Variants in SORCS3 observed in about 807,000 individuals in gnomAD.
SORCS3 encodes the protein VPS10 domain-containing receptor SorCS3.
Under a neutral mutation model 146.3 loss-of-function variants are expected in SORCS3, and 57 were observed. That is an observed-to-expected ratio of 0.39 (90% CI 0.31 to 0.49). The LOEUF (loss-of-function observed/expected upper bound fraction) is 0.49, where lower values mean the gene tolerates loss of function less well. SORCS3 is among the 20% of genes least tolerant of loss of function. The probability of loss-of-function intolerance (pLI) is 0.92; values close to 1 mark genes in which losing one functional copy is unlikely to be tolerated. For synonymous variants in SORCS3, 653 were observed against 618.5 expected (o/e 1.06, Z -0.83); for missense variants, 1,341 against 1,575.5 (o/e 0.85, Z 2.52).
At chr10:105,157,570 C>A (rs981802159) in intron 10 of SORCS3, among the ~76,000 whole-genome samples, 3 of 152,182 alleles carry the variant, frequency 2.0e-5, no homozygotes, top group Admixed American at 6.5e-5. Context: ...GGGTCCCAGG[C>A]ACAGCTCAGT....
intron 22 of SORCS3, among the ~76,000 whole-genome samples, chr10:105,250,280 G>C (rs73352826): frequency 0.019 from 2,961 of 152,172 alleles, 106 homozygotes; most frequent in African/African-American, 0.066. Flanking sequence ...GAATGGGGGT[G>C]GGGGGTGCAA....
At chr10:104,857,101 G>A (rs1238138528) in intron 2 of SORCS3, among the ~76,000 whole-genome samples, 2 of 148,640 alleles carry the variant, frequency 1.3e-5, no homozygotes, top group African/African-American at 2.5e-5. Flanking sequence ...TGAGGGGATG[G>A]GCATGCTAGA....
chr10:105,044,385 G>A (rs940157259), intron 5 of SORCS3, among the ~76,000 whole-genome samples: 1 of 152,002 alleles, frequency 6.6e-6, no homozygotes, highest in Admixed American at 6.6e-5. Flanking sequence ...TCTAGCTTGG[G>A]TGACAGAGCG....
At position 105,151,670 on chromosome 10, in the gene SORCS3, G is replaced by A. The variant is rs146984707; in HGVS notation, c.1482+3874G>A. ...ACTTATTTGGAAATTCCCCTTGCAA[G>A]CCTTGGCACTGAAAAATCCTTGGAC... On this transcript the variant is annotated intron_variant, in intron 9 of 26. Transcript: ENST00000369701. 5.3e-4 allele frequency among the ~76,000 whole-genome samples: 80 copies of A among 152,178 alleles called. No individual in the cohort carries two copies. In the East Asian group the frequency reaches 8.1e-3, roughly 15 times the overall value.
chr10:105,171,418 C>T (rs567332752), intron 13 of SORCS3, among the ~76,000 whole-genome samples: 1 of 152,218 alleles, frequency 6.6e-6, no homozygotes, highest in East Asian at 1.9e-4. Context: ...AACTCACAAT[C>T]GGCAGAGCAC....
Position 104,753,483 on chromosome 10 carries a change from A to G in SORCS3, c.628-89309A>G, listed in dbSNP as rs138321402. Among the ~76,000 whole-genome samples, 10 of 152,338 alleles carry G rather than the reference A, an allele frequency of 6.6e-5. No homozygotes were observed. The East Asian group carries it at 1.9e-3, about 29-fold the overall frequency. On this transcript the variant is annotated intron_variant, in intron 1 of 26. Transcript: ENST00000369701. The stretch of plus-strand genomic sequence containing the variant: ...CTGGATTCTGAAAGATGCACTGAAT[A>G]TAAAATGTTTGAATAAAGGAAGAAC...
At chr10:105,195,701 C>T (rs1248411943) in intron 14 of SORCS3, among the ~76,000 whole-genome samples, 1 of 152,154 alleles carries the variant, frequency 6.6e-6, no homozygotes. Flanking sequence ...AAAGGGACCA[C>T]AGTGAACTTT....
intron 1 of SORCS3, among the ~76,000 whole-genome samples, chr10:104,703,401 T>C (rs1391833625): frequency 1.3e-5 from 2 of 152,240 alleles, no homozygotes; most frequent in African/African-American, 4.8e-5. Context: ...GAATTTTTAA[T>C]AATTGCCATT....
chr10:104,784,105 C>T (rs1157934888), intron 1 of SORCS3, among the ~76,000 whole-genome samples: 3 of 152,150 alleles, frequency 2.0e-5, no homozygotes, highest in Non-Finnish European at 4.4e-5. Flanking sequence ...ACTATTTGAC[C>T]ACAGTTATCT....
intron 3 of SORCS3, among the ~76,000 whole-genome samples, chr10:104,948,555 A>G (rs1351536284): frequency 1.3e-5 from 2 of 152,214 alleles, no homozygotes; most frequent in Admixed American, 1.3e-4. Flanking sequence ...CTGGAAAGAT[A>G]GTAGCTAAAC....
chr10:104,692,920 T>C (rs1047917770), intron 1 of SORCS3, among the ~76,000 whole-genome samples: 5 of 152,238 alleles, frequency 3.3e-5, no homozygotes, highest in Non-Finnish European at 7.3e-5. Flanking sequence ...TGCTGAGGGC[T>C]GGCCCAAAGA....
At chr10:105,244,570 A>C (rs939198967) in intron 20 of SORCS3, among the ~76,000 whole-genome samples, 1 of 152,134 alleles carries the variant, frequency 6.6e-6, no homozygotes, top group Non-Finnish European at 1.5e-5. Flanking sequence ...TTCTGTCTTC[A>C]TCCTTGAGAA....
At position 105,079,510 on chromosome 10, in the gene SORCS3, G is replaced by T. The variant is rs114824501; in HGVS notation, c.1029-10265G>T. Among the ~76,000 whole-genome samples the T allele has an allele frequency of 3.4e-3, 513 of 152,314 alleles. 7 individuals carry two copies. Among genetic ancestry groups the T allele is most frequent in the African/African-American group, 0.011 (473 of 41,566 alleles). The stretch of plus-strand genomic sequence containing the variant: ...ATATCTTGAGATACGGCAGGGTGAT[G>T]ATAGTCAATAGTAACATATTGTATA... On this transcript the variant is annotated intron_variant, in intron 5 of 26. Transcript: ENST00000369701.
At chr10:104,694,186 G>A (rs760982087) in intron 1 of SORCS3, among the ~76,000 whole-genome samples, 13 of 150,990 alleles carry the variant, frequency 8.6e-5, no homozygotes, top group Non-Finnish European at 1.6e-4. Flanking sequence ...GGTGGGCAGA[G>A]GGACATGCTT....
chr10:105,209,210 T>C (rs1238291734), intron 16 of SORCS3, among the ~76,000 whole-genome samples: 1 of 152,048 alleles, frequency 6.6e-6, no homozygotes, highest in Admixed American at 6.6e-5. Context: ...GGTGCGGTCT[T>C]GGTTCACTGT....
At chr10:105,109,194 C>G (rs1429133997) in intron 7 of SORCS3, among the ~76,000 whole-genome samples, 1 of 152,116 alleles carries the variant, frequency 6.6e-6, no homozygotes, top group African/African-American at 2.4e-5. Flanking sequence ...TTCTCCCTCT[C>G]TTTAATTCTT....
At chr10:104,801,831 T>C (rs1334398000) in intron 1 of SORCS3, among the ~76,000 whole-genome samples, 2 of 152,206 alleles carry the variant, frequency 1.3e-5, no homozygotes, top group Admixed American at 1.3e-4. Context: ...AAGGGCAAGC[T>C]TCAGATCTGT....
intron 20 of SORCS3, among the ~76,000 whole-genome samples, chr10:105,232,833 G>A (rs946827816): frequency 5.9e-5 from 9 of 151,886 alleles, no homozygotes; most frequent in African/African-American, 2.2e-4. Flanking sequence ...GGACTTTCTA[G>A]TTATCTTTCT....
intron 7 of SORCS3, among the ~76,000 whole-genome samples, chr10:105,136,640 A>C (rs1224768475): frequency 6.6e-6 from 1 of 152,216 alleles, no homozygotes; most frequent in African/African-American, 2.4e-5. Context: ...AATTAGAATG[A>C]ATTGGTAGCA....
Sources: gnomAD v4.1 joint callset for allele counts (sites outside exome capture counted in the v4.1 genomes callset) on GRCh38, gnomAD v4.1.1 for gene constraint, MANE v1.5 for transcripts, NCBI Gene and HGNC (gene_info 2026-07-23, HGNC 2026-07-21) for gene names.